TMEM94: variants seen among roughly 807,000 people sequenced by gnomAD.
The protein encoded by TMEM94 is ER Mg2+ ATPase.
A neutral mutation model predicts 158.6 loss-of-function variants in TMEM94; 81 were observed. That is an observed-to-expected ratio of 0.51 (90% CI 0.43 to 0.61). The LOEUF (loss-of-function observed/expected upper bound fraction) is 0.61, where lower values mean the gene tolerates loss of function less well. Among genes scored for constraint, TMEM94 ranks in the 20% least tolerant of loss-of-function variants. The probability of loss-of-function intolerance (pLI) is 0.00; values close to 1 mark genes in which losing one functional copy is unlikely to be tolerated. For synonymous variants in TMEM94, 751 were observed against 730.7 expected (o/e 1.03, Z -0.45); for missense variants, 1,435 against 1,762.0 (o/e 0.81, Z 3.32).
At chr17:75,463,671 C>T (rs2050190786) in intron 1 of TMEM94, among the ~76,000 whole-genome samples, 1 of 152,174 alleles carries the variant, frequency 6.6e-6, no homozygotes, top group Non-Finnish European at 1.5e-5. Flanking sequence ...AGTTTTTGAA[C>T]CTAAGTGCAG....
Position 75,492,635 on chromosome 17 carries a change from C to T in TMEM94, c.1758C>T (p.Gly586=), listed in dbSNP as rs763294110. 1 of 1,614,094 alleles carries T rather than the reference C, an allele frequency of 6.2e-7. No homozygotes were observed. The highest frequency in any genetic ancestry group is 1.1e-5 in the South Asian group (1 of 91,086). Residue 586 remains glycine (G), a synonymous_variant, in exon 15 of 32, where the codon GGC becomes GGT. Transcript: ENST00000314256. This position sits in a 1 kb window ranked among gnomAD's most constrained non-coding sequence, Gnocchi z 4.4. ...ACCTCACCTCCCTCAAACCCCTGGG[C>T]CTCAATGTGCTGCTGAACCTGTGTG... ...QLHLTSLKPL[G]LNVLLNLCDA...
At chr17:75,486,889 C>T (rs1462084859) in intron 5 of TMEM94, among the ~76,000 whole-genome samples, 1 of 152,072 alleles carries the variant, frequency 6.6e-6, no homozygotes, top group Non-Finnish European at 1.5e-5. Flanking sequence ...GCTTGGATTT[C>T]TGCTTGGCCT....
Position 75,492,746 on chromosome 17 carries a change from C to T in TMEM94, c.1869C>T (p.Pro623=), listed in dbSNP as rs748421866. Residue 623 remains proline, a synonymous_variant, in exon 15 of 32, where the codon CCC becomes CCT. Coordinates refer to ENST00000314256, the MANE Select transcript of TMEM94 (RefSeq NM_014738.6). The surrounding 1 kb of genome is among the most constrained non-coding windows in gnomAD (Gnocchi z 4.4). ...ALQESHSAVL[P]VHVPWGLCEL... ...AAGAGAGCCACAGCGCCGTGCTGCCCGTCCATGTGCCCTGGGGCCTCTGCG... is the reference window on the plus strand; with the variant it reads ...AAGAGAGCCACAGCGCCGTGCTGCCTGTCCATGTGCCCTGGGGCCTCTGCG... 24 of 1,609,220 alleles carry T rather than the reference C, an allele frequency of 1.5e-5. No homozygotes were observed. In the Admixed American group the frequency reaches 2.2e-4, roughly 15 times the overall value.
chr17:75,476,466 C>G (rs759808945), intron 2 of TMEM94: 206 of 1,382,934 alleles, frequency 1.5e-4, no homozygotes, highest in Middle Eastern at 2.7e-4. Flanking sequence ...CCTCCTCCCT[C>G]CCTGAATCTG....
In TMEM94 at chr17:75,464,436, C is replaced by T. The variant is rs141949181; in HGVS notation, c.-106-7364C>T. 4.0e-3 allele frequency among the ~76,000 whole-genome samples: 608 copies of T among 151,878 alleles called. 5 individuals carry two copies. Among genetic ancestry groups the T allele is most frequent in the Middle Eastern group, 0.014 (4 of 294 alleles). On this transcript the variant is annotated intron_variant, in intron 1 of 31. Transcript: ENST00000314256. ...AAGTTGAGGTACAGTGAGCTGTGAT[C>T]GCACCACTGTACTCCAGGCTGGGCA...
chr17:75,495,689 C>G lies in TMEM94; in HGVS notation c.2944+46C>G. On this transcript the variant is annotated intron_variant, in intron 22 of 31. Coordinates refer to ENST00000314256, the MANE Select transcript of TMEM94 (RefSeq NM_014738.6). The surrounding 1 kb of genome is among the most constrained non-coding windows in gnomAD (Gnocchi z 5.6). The stretch of plus-strand genomic sequence containing the variant: ...TACTTGGGCAACCTGGTCCCGTCGG[C>G]TGAGCTCTGCCTGGGCCTGCGTACC... The G allele has an allele frequency of 6.3e-7, 1 of 1,577,466 alleles. No individual in the cohort carries two copies. The highest frequency in any genetic ancestry group is 8.7e-7 in the Non-Finnish European group (1 of 1,149,040).
chr17:75,496,629 A>G, intron 24 of TMEM94, 101 bp from the exon 25 acceptor site: 3 of 1,421,590 alleles, frequency 2.1e-6, no homozygotes, highest in Non-Finnish European at 3.0e-6. Flanking sequence ...CCCCTCGTAG[A>G]AGCATCCTGG....
chr17:75,493,668 C>G, intron 17 of TMEM94, 31 bp from the exon 18 acceptor site: 1 of 1,613,604 alleles, frequency 6.2e-7, no homozygotes, highest in Non-Finnish European at 8.5e-7. Context: ...GGCAGGAACA[C>G]TCACCTCACC....
intron 11 of TMEM94, 48 bp downstream of exon 11, chr17:75,490,806 T>C (rs1458137925): frequency 2.6e-6 from 4 of 1,550,364 alleles, no homozygotes; most frequent in Non-Finnish European, 3.6e-6. Context: ...CCTAGAGCCA[T>C]AACCCTGGGA....
rs759312647 is a variant in TMEM94 at position 75,493,028 on chromosome 17, G to A, written c.2012G>A (p.Arg671Gln). 3.1e-5 allele frequency: 50 copies of A among 1,613,548 alleles called. No individual in the cohort carries two copies. In the South Asian group the frequency reaches 3.6e-4, roughly 12 times the overall value. Residue 671 changes from arginine (R) to glutamine (Q), a missense_variant, in exon 16 of 32, where the codon CGG becomes CAG. Physicochemically the swap from Arg to Gln is conservative, Grantham distance 43. This residue lies in a region of TMEM94 where 1,051 missense variants were observed against 1,254.4 expected (regional missense o/e 0.84). Transcript: ENST00000314256. Reference protein sequence around the residue: ...AETMKETSLGRLSCVTKRRPP... With the variant: ...AETMKETSLGQLSCVTKRRPP... ...ACAATGAAGGAGACATCGCTGGGGC[G>A]GCTCTCCTGTGTCACCAAGCGGCGG...
chr17:75,471,395 C>T (rs531211896), intron 1 of TMEM94, among the ~76,000 whole-genome samples: 7 of 152,174 alleles, frequency 4.6e-5, no homozygotes, highest in East Asian at 1.9e-4. Context: ...CTCTGCTGCT[C>T]GATGAGGCTG....
rs770415459 is a variant in TMEM94 at position 75,489,709 on chromosome 17, G to C, written c.954+47G>C. The C allele has an allele frequency of 6.0e-6, 9 of 1,505,824 alleles. No individual in the cohort carries two copies. The highest frequency in any genetic ancestry group is 5.0e-5 in the Admixed American group (3 of 59,682). The allele number at this position is 1,505,824 out of a possible 1,614,324, so 93.3% of individuals were successfully genotyped here. On this transcript the variant is annotated intron_variant, in intron 9 of 31. Coordinates refer to ENST00000314256, the MANE Select transcript of TMEM94 (RefSeq NM_014738.6). The surrounding 1 kb of genome is among the most constrained non-coding windows in gnomAD (Gnocchi z 5.0). ...CTGTCATGCTTCCCTCCGACCCGCA[G>C]GGCTGGCTCTTCTCCTAGTACCCTG...
At chr17:75,472,887 A>G (rs1449082175) in intron 2 of TMEM94, among the ~76,000 whole-genome samples, 1 of 151,802 alleles carries the variant, frequency 6.6e-6, no homozygotes, top group African/African-American at 2.4e-5. Flanking sequence ...TTTTGACATC[A>G]TTTTCTCCAG....
intron 2 of TMEM94, among the ~76,000 whole-genome samples, chr17:75,484,295 C>A (rs1262292796): frequency 1.3e-5 from 2 of 151,510 alleles, no homozygotes; most frequent in Non-Finnish European, 1.5e-5. Context: ...CCCTTTCTTC[C>A]GTCCCTCCCT....
At chr17:75,476,351 A>C in intron 2 of TMEM94, 1 of 408,886 alleles carries the variant, frequency 2.4e-6, no homozygotes, top group Non-Finnish European at 4.2e-6. Context: ...GCTCCTGGAT[A>C]TCTGGCAGCG....
rs1490636915 is a variant in TMEM94 at position 75,495,474 on chromosome 17, G to A, written c.2845-70G>A. 3.8e-6 allele frequency: 6 copies of A among 1,591,500 alleles called. No individual in the cohort carries two copies. The highest frequency in any genetic ancestry group is 1.1e-5 in the South Asian group (1 of 90,442). On this transcript the variant is annotated intron_variant, in intron 21 of 31. Coordinates refer to ENST00000314256, the MANE Select transcript of TMEM94 (RefSeq NM_014738.6). The surrounding 1 kb of genome is among the most constrained non-coding windows in gnomAD (Gnocchi z 5.6). ...GGTCCAGGGGAGAGGTAGAGAGGTG[G>A]TGGGCAGGCGGTGGAGGGGAGGGAT...
chr17:75,496,609 C>T (rs951038838), intron 24 of TMEM94, 121 bp from the exon 25 acceptor site: 17 of 1,370,550 alleles, frequency 1.2e-5, no homozygotes, highest in African/African-American at 2.9e-5. Flanking sequence ...CAGTTACATT[C>T]GCCTCTGCTC....
chr17:75,485,640 C>A lies in TMEM94; in HGVS notation c.144+93C>A. 6.5e-7 allele frequency: 1 copy of A among 1,544,318 alleles called. No homozygotes were observed. The highest frequency in any genetic ancestry group is 8.9e-7 in the Non-Finnish European group (1 of 1,125,218). The stretch of plus-strand genomic sequence containing the variant: ...CAGGACTCTGATGTACCCTGTCACC[C>A]TGGACAGTGTGACCCAACTGAGGCC... On this transcript the variant is annotated intron_variant, in intron 3 of 31. Coordinates refer to ENST00000314256, the MANE Select transcript of TMEM94 (RefSeq NM_014738.6). The surrounding 1 kb of genome is among the most constrained non-coding windows in gnomAD (Gnocchi z 5.5).
rs1484544434 is a variant in TMEM94, at chr17:75,491,019, T to C, written c.1129-30T>C. On this transcript the variant is annotated intron_variant, in intron 11 of 31. Coordinates refer to ENST00000314256, the MANE Select transcript of TMEM94 (RefSeq NM_014738.6). The surrounding 1 kb of genome is among the most constrained non-coding windows in gnomAD (Gnocchi z 5.1). ...CAGGGAAATGAGGCTGAGCCCTAAATGGCCTTGCAGACTTCCTCTCTCCCA... is the reference window on the plus strand; with the variant it reads ...CAGGGAAATGAGGCTGAGCCCTAAACGGCCTTGCAGACTTCCTCTCTCCCA... The C allele has an allele frequency of 2.6e-6, 4 of 1,539,060 alleles. No individual in the cohort carries two copies. Among genetic ancestry groups the C allele is most frequent in the Non-Finnish European group, 3.6e-6 (4 of 1,124,304 alleles).
Sources: gnomAD v4.1 joint callset for allele counts (sites outside exome capture counted in the v4.1 genomes callset) on GRCh38, gnomAD v4.1.1 for gene constraint, gnomAD v4.1.1 regional missense constraint, Gnocchi (gnomAD v3.1) non-coding constraint, MANE v1.5 for transcripts, NCBI Gene and HGNC (gene_info 2026-07-23, HGNC 2026-07-21) for gene names.